Variants in DMD observed in about 807,000 individuals in gnomAD.
DMD encodes dystrophin.
In DMD, 63 loss-of-function variants were observed where a neutral mutation model predicts 330.1. That is an observed-to-expected ratio of 0.19 (90% CI 0.16 to 0.24). The LOEUF (loss-of-function observed/expected upper bound fraction) is 0.24. Among genes scored for constraint, DMD ranks in the 10% least tolerant of loss-of-function variants. The probability of loss-of-function intolerance (pLI) is 1.00; values close to 1 mark genes in which losing one functional copy is unlikely to be tolerated. For synonymous variants in DMD, 1,223 were observed against 959.8 expected (o/e 1.27, Z -5.07); for missense variants, 3,344 against 2,684.1 (o/e 1.25, Z -5.43).
At chrX:32,304,103 T>C (rs1439193307) in intron 42 of DMD, among the ~76,000 whole-genome samples, 1 of 111,484 alleles carries the variant, frequency 9.0e-6, no homozygotes, top group Non-Finnish European at 1.9e-5. Context: ...GCATTGTCTT[T>C]GCATAAATAA....
chrX:31,899,767 C>T (rs764210320), intron 47 of DMD, among the ~76,000 whole-genome samples: 242 of 110,846 alleles, frequency 2.2e-3, no homozygotes, highest in African/African-American at 7.7e-3. Context: ...TATGTATATC[C>T]AAGCTCCATA....
At chrX:32,166,087 C>T (rs956805767) in intron 44 of DMD, among the ~76,000 whole-genome samples, 1 of 111,152 alleles carries the variant, frequency 9.0e-6, no homozygotes, top group Non-Finnish European at 1.9e-5. Context: ...TGAAAACGGG[C>T]TAATACACTC....
At chrX:31,629,168 A>G (rs1229870880) in intron 54 of DMD, among the ~76,000 whole-genome samples, 2 of 111,644 alleles carry the variant, frequency 1.8e-5, no homozygotes, top group Non-Finnish European at 3.8e-5. Flanking sequence ...TGGATTTTAA[A>G]AAATTGAACA....
chrX:32,330,610 G>A (rs955282321), intron 41 of DMD, among the ~76,000 whole-genome samples: 1 of 111,580 alleles, frequency 9.0e-6, no homozygotes, highest in African/African-American at 3.3e-5. Flanking sequence ...GTTGCAAACG[G>A]AGGTCAAATT....
intron 7 of DMD, among the ~76,000 whole-genome samples, chrX:32,761,578 G>A (rs969575696): frequency 5.4e-5 from 6 of 111,878 alleles, no homozygotes; most frequent in Admixed American, 4.7e-4. Flanking sequence ...AATGACTGGA[G>A]TGGCAGAGTC....
chrX:32,541,457 A>T (rs228358), intron 17 of DMD, among the ~76,000 whole-genome samples: 24,648 of 111,398 alleles, frequency 0.22, 2,130 homozygotes, highest in East Asian at 0.33. Flanking sequence ...TTTAATCCTC[A>T]TGACAGTTGT....
At chrX:32,006,263 C>G in intron 44 of DMD, among the ~76,000 whole-genome samples, 1 of 111,731 alleles carries the variant, frequency 9.0e-6, no homozygotes, top group South Asian at 3.7e-4. Context: ...TTTCCTGTAG[C>G]TGTCTGGATG....
Position 32,518,090 on chromosome X carries a change from C to A in DMD, c.2210G>T (p.Arg737Leu), listed in dbSNP as rs773358704. ...DITELHSWIT[R>L]SEAVLQSPEF... ...AGGACTCTGCAACACAGCTTCTGAG[C>A]GAGTAATCCAGCTGTGAAGTTCAGT... is the stretch of plus-strand genomic sequence containing the variant. The change falls in exon 18 of 79, where the codon CGC (arginine) becomes CTC (leucine). Residue 737 changes from arginine to leucine, a missense_variant. Transcript: ENST00000357033. 2 of 1,209,902 alleles carry A rather than the reference C, an allele frequency of 1.7e-6. No individual in the cohort carries two copies. Among genetic ancestry groups the A allele is most frequent in the South Asian group, 1.8e-5 (1 of 56,893 alleles).
At chrX:31,349,279 T>A (rs750049185) in intron 60 of DMD, among the ~76,000 whole-genome samples, 2 of 112,147 alleles carry the variant, frequency 1.8e-5, no homozygotes, top group African/African-American at 3.2e-5. Context: ...CCGTCTCTAC[T>A]AGAAATACAA....
intron 60 of DMD, among the ~76,000 whole-genome samples, chrX:31,439,992 C>T (rs17340770): frequency 0.072 from 7,959 of 110,921 alleles, 238 homozygotes; most frequent in East Asian, 0.2. Flanking sequence ...AGTGTGATTT[C>T]TAAGGGGTAC....
At chrX:33,012,543 C>T (rs754202762) in intron 2 of DMD, among the ~76,000 whole-genome samples, 14 of 111,570 alleles carry the variant, frequency 1.3e-4, no homozygotes, top group African/African-American at 4.5e-4. Flanking sequence ...AAAATATTAA[C>T]ATTTAAAGTA....
intron 34 of DMD, among the ~76,000 whole-genome samples, chrX:32,366,685 G>A (rs571140965): frequency 1.8e-5 from 2 of 111,723 alleles, no homozygotes; most frequent in South Asian, 3.8e-4. Context: ...AAGTAGTCCT[G>A]TGGCTGTCTT....
At position 31,323,983 on chromosome X, in the gene DMD, T is replaced by A. The variant is rs749538228; in HGVS notation, c.9164-325A>T. 9.0e-5 allele frequency among the ~76,000 whole-genome samples: 10 copies of A among 111,723 alleles called. No homozygotes were observed. In the South Asian group the frequency reaches 2.3e-3, roughly 25 times the overall value. ...TGTGTCTCCCTTGAGTGCTTTTTTT[T>A]ATAATACTTCCTGTTGCTGGTTCTC... On this transcript the variant is annotated intron_variant, in intron 61 of 78. Coordinates refer to ENST00000357033, the MANE Select transcript of DMD (RefSeq NM_004006.3).
chrX:31,958,286 A>T (rs1212639021), intron 45 of DMD, among the ~76,000 whole-genome samples: 1 of 109,357 alleles, frequency 9.1e-6, no homozygotes, highest in Non-Finnish European at 1.9e-5. Context: ...CTCTGTAGCT[A>T]CCCTTGTATT....
At chrX:31,683,432 A>G (rs1392093414) in intron 52 of DMD, among the ~76,000 whole-genome samples, 3 of 112,450 alleles carry the variant, frequency 2.7e-5, no homozygotes, top group Non-Finnish European at 5.6e-5. Flanking sequence ...TTTTGGACCT[A>G]TTCACTGGGA....
chrX:31,966,633 T>C (rs942353663), intron 45 of DMD, among the ~76,000 whole-genome samples: 1 of 111,156 alleles, frequency 9.0e-6, no homozygotes, highest in African/African-American at 3.3e-5. Context: ...TAGCTGTAAT[T>C]AACTTAAAAT....
chrX:31,830,605 A>C (rs779765599), intron 49 of DMD, among the ~76,000 whole-genome samples: 1 of 112,216 alleles, frequency 8.9e-6, no homozygotes, highest in African/African-American at 3.2e-5. Context: ...AAAAACAAAC[A>C]AACAACCAAA....
intron 55 of DMD, among the ~76,000 whole-genome samples, chrX:31,586,942 T>C (rs2076637650): frequency 8.9e-6 from 1 of 112,151 alleles, no homozygotes; most frequent in Non-Finnish European, 1.9e-5. Context: ...GAAATGTTCA[T>C]GGGTATCTAC....
At chrX:31,658,607 G>C (rs1164597985) in intron 53 of DMD, among the ~76,000 whole-genome samples, 1 of 111,962 alleles carries the variant, frequency 8.9e-6, no homozygotes, top group African/African-American at 3.2e-5. Flanking sequence ...AGAAAATATT[G>C]AACAACAAAA....
Sources: gnomAD v4.1 joint callset for allele counts (sites outside exome capture counted in the v4.1 genomes callset) on GRCh38, gnomAD v4.1.1 for gene constraint, MANE v1.5 for transcripts, NCBI Gene and HGNC (gene_info 2026-07-23, HGNC 2026-07-21) for gene names.